The following THRAP3 variants were observed in gnomAD, a reference collection of about 807,000 sequenced individuals.
THRAP3 encodes the protein thyroid hormone receptor associated protein 3.
In THRAP3, 16 loss-of-function variants were observed where a neutral mutation model predicts 101.0. The ratio of observed to expected loss-of-function variants is 0.16; its 90% confidence interval spans 0.11 to 0.24. The LOEUF (loss-of-function observed/expected upper bound fraction) is 0.24. THRAP3 is among the 10% of genes least tolerant of loss of function. The pLI, the probability that THRAP3 is intolerant of heterozygous loss-of-function variation, is 1.00. For synonymous variants in THRAP3, 407 were observed against 422.6 expected (o/e 0.96, Z 0.45); for missense variants, 989 against 1,202.7 (o/e 0.82, Z 2.63).
At chr1:36,297,037 G>GAA (rs1235575960) in intron 9 of THRAP3, among the ~76,000 whole-genome samples, 1 of 152,208 alleles carries the variant, frequency 6.6e-6, no homozygotes. Context: ...AGAATCATTA[G>GAA]AATCATTTGG....
At chr1:36,301,182 G>A (rs754844452) in intron 10 of THRAP3, 98 bp downstream of exon 10, 69 of 1,233,942 alleles carry the variant, frequency 5.6e-5, no homozygotes, top group Non-Finnish European at 6.9e-5. Flanking sequence ...TTTGACATAA[G>A]TAATCCAATC....
the THRAP3 span, among the ~76,000 whole-genome samples, chr1:36,210,309 T>C: frequency 7.2e-6 from 1 of 139,722 alleles, no homozygotes; most frequent in African/African-American, 2.7e-5. Context: ...GAGCTTGCAG[T>C]GAGCGGAGAT....
At chr1:36,216,205 C>T in the THRAP3 span, among the ~76,000 whole-genome samples, 56 of 151,582 alleles carry the variant, frequency 3.7e-4, no homozygotes, top group Non-Finnish European at 6.6e-4. Context: ...ACAGTGAGAC[C>T]GTGTCTCTAC....
At chr1:36,254,737 AGAAG>A (rs1229333914) in intron 1 of THRAP3, among the ~76,000 whole-genome samples, 2 of 152,212 alleles carry the variant, frequency 1.3e-5, no homozygotes, top group East Asian at 3.8e-4. Context: ...GGGGAAAAAA[AGAAG>A]TTGGAATGTT....
intron 1 of THRAP3, among the ~76,000 whole-genome samples, chr1:36,224,746 T>C (rs1003481976): frequency 7.2e-5 from 11 of 152,280 alleles, no homozygotes; most frequent in African/African-American, 2.6e-4. Flanking sequence ...GGTCGCCTTC[T>C]CTGCAGAGCA....
intron 7 of THRAP3, 49 bp downstream of exon 7, chr1:36,292,758 CA>C: frequency 7.0e-7 from 1 of 1,420,706 alleles, no homozygotes. Context: ...GACTTTGTAT[CA>C]GACATTAAAC....
intron 1 of THRAP3, among the ~76,000 whole-genome samples, chr1:36,232,680 G>A (rs571310972): frequency 6.6e-6 from 1 of 152,228 alleles, no homozygotes; most frequent in Admixed American, 6.6e-5. Flanking sequence ...TGGCTTGATG[G>A]CATTCTCTGA....
At chr1:36,232,500 T>A (rs891651428) in intron 1 of THRAP3, among the ~76,000 whole-genome samples, 1 of 152,220 alleles carries the variant, frequency 6.6e-6, no homozygotes, top group Non-Finnish European at 1.5e-5. Context: ...CTATATGACA[T>A]GATATTTATT....
the THRAP3 span, among the ~76,000 whole-genome samples, chr1:36,214,214 G>C: frequency 6.6e-6 from 1 of 152,192 alleles, no homozygotes; most frequent in African/African-American, 2.4e-5. Context: ...CTCTCCGTAG[G>C]TGGCACAGAT....
At chr1:36,231,553 A>G (rs762765434) in intron 1 of THRAP3, among the ~76,000 whole-genome samples, 12 of 152,234 alleles carry the variant, frequency 7.9e-5, no homozygotes, top group Non-Finnish European at 1.3e-4. Flanking sequence ...TTAAAATAAT[A>G]TACTGCTGTG....
chr1:36,241,428 T>C (rs12730066), intron 1 of THRAP3, among the ~76,000 whole-genome samples: 126,326 of 137,826 alleles, frequency 0.92, 58,636 homozygotes, highest in South Asian at 0.99. Context: ...TATATATATA[T>C]ACACATATAT....
intron 2 of THRAP3, among the ~76,000 whole-genome samples, chr1:36,268,697 G>A (rs1473728638): frequency 6.6e-6 from 1 of 151,614 alleles, no homozygotes; most frequent in East Asian, 1.9e-4. Context: ...ACTTAGAAAA[G>A]TAATCCATGT....
At chr1:36,228,065 TTGG>T (rs1448688226) in intron 1 of THRAP3, among the ~76,000 whole-genome samples, 1 of 141,078 alleles carries the variant, frequency 7.1e-6, no homozygotes, top group Non-Finnish European at 1.5e-5. Flanking sequence ...TTTTTTTCTG[TTGG>T]TGGAGTCTTC....
At chr1:36,235,141 C>T (rs1645070828) in intron 1 of THRAP3, among the ~76,000 whole-genome samples, 1 of 151,856 alleles carries the variant, frequency 6.6e-6, no homozygotes, top group Non-Finnish European at 1.5e-5. Context: ...AGGTAGAAAT[C>T]TCTGTCTAGC....
At chr1:36,207,859 C>G in the THRAP3 span, among the ~76,000 whole-genome samples, 48 of 152,284 alleles carry the variant, frequency 3.2e-4, no homozygotes, top group Admixed American at 1.2e-3. Flanking sequence ...GTGGCACGAT[C>G]TTGGCTCACT....
chr1:36,282,513 A>G lies in THRAP3; in HGVS notation c.-31-20A>G. 1 of 1,576,902 alleles carries G rather than the reference A, an allele frequency of 6.3e-7. No homozygotes were observed. The highest frequency in any genetic ancestry group is 1.1e-5 in the South Asian group (1 of 89,838). ...GCAAAGGAACTCACTCATTTGTTCT[A>G]ATGCATTTTCTTACATTAGGTGTAA... is the stretch of plus-strand genomic sequence containing the variant. On this transcript the variant is annotated intron_variant, in intron 2 of 11. Transcript: ENST00000354618.
At chr1:36,232,742 T>C (rs1296217802) in intron 1 of THRAP3, among the ~76,000 whole-genome samples, 3 of 152,200 alleles carry the variant, frequency 2.0e-5, no homozygotes, top group Non-Finnish European at 4.4e-5. Context: ...AAGTTAGCAG[T>C]TGAAAATAAT....
rs2124659202 is a variant in THRAP3 at position 36,304,799 on chromosome 1, T to G, written c.*782T>G. The G allele has an allele frequency of 4.7e-6, 1 of 210,748 alleles. No individual in the cohort carries two copies. The highest frequency in any genetic ancestry group is 1.9e-4 in the South Asian group (1 of 5,330). The allele number at this position is 210,748 out of a possible 1,614,324, so 13.1% of individuals were successfully genotyped here. On this transcript the variant is annotated 3_prime_UTR_variant, in exon 12 of 12. Coordinates refer to ENST00000354618, the MANE Select transcript of THRAP3 (RefSeq NM_005119.4). ...TCCAGTATCCCAAACTTTCTAGTCC[T>G]GCTGATCCTCCCAGCAACGGGGTGG...
chr1:36,261,161 G>A (rs895359975), intron 2 of THRAP3, among the ~76,000 whole-genome samples: 1 of 152,144 alleles, frequency 6.6e-6, no homozygotes. Flanking sequence ...ACTTTGGGAG[G>A]CCGAGGAGGG....
Sources: gnomAD v4.1 joint callset for allele counts (sites outside exome capture counted in the v4.1 genomes callset) on GRCh38, gnomAD v4.1.1 for gene constraint, MANE v1.5 for transcripts, NCBI Gene and HGNC (gene_info 2026-07-23, HGNC 2026-07-21) for gene names.